The following BRINP3 variants were observed in gnomAD, a reference collection of about 807,000 sequenced individuals.
BRINP3 encodes the protein BMP/retinoic acid-inducible neural-specific protein 3.
Under a neutral mutation model 71.0 loss-of-function variants are expected in BRINP3, and 19 were observed. The observed-to-expected ratio is 0.27, with a 90% CI of 0.19 to 0.39. BRINP3 has a LOEUF of 0.39. Among genes scored for constraint, BRINP3 ranks in the 10% least tolerant of loss-of-function variants. The pLI is 1.00. For synonymous variants in BRINP3, 380 were observed against 337.7 expected, an observed-to-expected ratio of 1.13 and a Z score of -1.37; for missense variants, 959 against 940.8, an observed-to-expected ratio of 1.02 and a Z score of -0.25.
At chr1:190,230,814 C>A (rs1657902605) in intron 5 of BRINP3, among the ~76,000 whole-genome samples, 1 of 151,486 alleles carries the variant, frequency 6.6e-6, no homozygotes, top group Non-Finnish European at 1.5e-5. Context: ...TCTCTTTCCT[C>A]CAAGTCATTA....
chr1:190,404,441 G>A (rs1218388699), intron 2 of BRINP3, among the ~76,000 whole-genome samples: 2 of 152,096 alleles, frequency 1.3e-5, no homozygotes, highest in African/African-American at 4.8e-5. Flanking sequence ...ATATGCTCAC[G>A]ACTTGATGTT....
intron 2 of BRINP3, among the ~76,000 whole-genome samples, chr1:190,393,934 T>C (rs1184868814): frequency 6.6e-6 from 1 of 151,678 alleles, no homozygotes; most frequent in African/African-American, 2.4e-5. Context: ...AAACATGGTT[T>C]AAGTATTTTA....
At chr1:190,431,783 T>C (rs1196524761) in intron 2 of BRINP3, among the ~76,000 whole-genome samples, 1 of 152,158 alleles carries the variant, frequency 6.6e-6, no homozygotes, top group Non-Finnish European at 1.5e-5. Flanking sequence ...CCACAGTTTT[T>C]TTAAAGAGAA....
intron 2 of BRINP3, among the ~76,000 whole-genome samples, chr1:190,343,610 A>G (rs1403318899): frequency 1.3e-5 from 2 of 151,832 alleles, no homozygotes; most frequent in South Asian, 2.1e-4. Flanking sequence ...TATTATCATT[A>G]CAATAATAAA....
chr1:190,190,479 AGTAGTT>A (rs888440099), intron 6 of BRINP3, among the ~76,000 whole-genome samples: 2 of 152,112 alleles, frequency 1.3e-5, no homozygotes, highest in African/African-American at 4.8e-5. Context: ...TTTGTGCATG[AGTAGTT>A]GTTCAAACTG....
At chr1:190,405,312 G>A (rs944832382) in intron 2 of BRINP3, among the ~76,000 whole-genome samples, 11 of 151,758 alleles carry the variant, frequency 7.2e-5, no homozygotes, top group Admixed American at 5.3e-4. Context: ...TTAGCCAGGC[G>A]TGGTGGCGGG....
chr1:190,371,315 G>A (rs528457819), intron 2 of BRINP3, among the ~76,000 whole-genome samples: 2 of 152,150 alleles, frequency 1.3e-5, no homozygotes, highest in African/African-American at 4.8e-5. Flanking sequence ...CAATTGTTAT[G>A]TACAAGTTTT....
At chr1:190,240,985 C>G (rs1271888870) in intron 4 of BRINP3, among the ~76,000 whole-genome samples, 2 of 150,416 alleles carry the variant, frequency 1.3e-5, no homozygotes, top group Non-Finnish European at 2.9e-5. Flanking sequence ...TTTTATTATG[C>G]CCATCATAAA....
chr1:190,419,764 A>G (rs1234469976), intron 2 of BRINP3, among the ~76,000 whole-genome samples: 1 of 151,732 alleles, frequency 6.6e-6, no homozygotes, highest in Admixed American at 6.6e-5. Context: ...TTTCTAAGAA[A>G]CTAGTAATGA....
At chr1:190,293,152 G>A (rs759491398) in intron 2 of BRINP3, among the ~76,000 whole-genome samples, 82 of 151,638 alleles carry the variant, frequency 5.4e-4, no homozygotes, top group Non-Finnish European at 7.5e-4. Flanking sequence ...GTTGTCTTAG[G>A]CATTTATTGT....
At chr1:190,460,524 A>C (rs1676315391) in intron 1 of BRINP3, among the ~76,000 whole-genome samples, 1 of 152,136 alleles carries the variant, frequency 6.6e-6, no homozygotes, top group South Asian at 2.1e-4. Flanking sequence ...ATAATGTAGA[A>C]AACCAGAATA....
At chr1:190,120,582 G>A (rs1362821940) in intron 7 of BRINP3, among the ~76,000 whole-genome samples, 4 of 151,720 alleles carry the variant, frequency 2.6e-5, no homozygotes, top group Non-Finnish European at 5.9e-5. Context: ...TGCCACCTCC[G>A]CCTCCCGGGT....
intron 6 of BRINP3, among the ~76,000 whole-genome samples, chr1:190,204,593 T>C (rs778155001): frequency 6.6e-6 from 1 of 151,940 alleles, no homozygotes; most frequent in Non-Finnish European, 1.5e-5. Context: ...TCAGAAAACA[T>C]GAATAATCTG....
chr1:190,324,920 C>A (rs776214548), intron 2 of BRINP3, among the ~76,000 whole-genome samples: 2 of 151,664 alleles, frequency 1.3e-5, no homozygotes, highest in Non-Finnish European at 2.9e-5. Flanking sequence ...GAGTAAGAGT[C>A]AAAAACTTGT....
chr1:190,453,334 C>T (rs1414253019), intron 2 of BRINP3, among the ~76,000 whole-genome samples: 1 of 146,766 alleles, frequency 6.8e-6, no homozygotes, highest in Non-Finnish European at 1.5e-5. Flanking sequence ...CTTTCTCCTG[C>T]CTCAGCCTCC....
intron 7 of BRINP3, among the ~76,000 whole-genome samples, chr1:190,117,546 TG>T (rs529428294): frequency 2.0e-5 from 3 of 152,020 alleles, no homozygotes; most frequent in Admixed American, 6.6e-5. Context: ...TTTGTTAGGT[TG>T]GGGAAGCAGG....
In BRINP3 at chr1:190,373,429, T is replaced by C. The variant is rs567002569; in HGVS notation, c.236+81226A>G. Among the ~76,000 whole-genome samples, 35 of 127,514 alleles carry C rather than the reference T, an allele frequency of 2.7e-4. No individual in the cohort carries two copies. In the South Asian group the frequency reaches 9.3e-3, roughly 34 times the overall value. 83.7% of individuals were successfully genotyped at this position (127,514 alleles called of 152,430 possible). ...AAGTAGATAATTCCTTAATTATATATATATATGTGTGTGTGTGTGTGTGTG... is the reference window on the plus strand; with the variant it reads ...AAGTAGATAATTCCTTAATTATATACATATATGTGTGTGTGTGTGTGTGTG... On this transcript the variant is annotated intron_variant, in intron 2 of 7. Transcript: ENST00000367462.
At chr1:190,368,712 C>G (rs1669666522) in intron 2 of BRINP3, among the ~76,000 whole-genome samples, 1 of 152,102 alleles carries the variant, frequency 6.6e-6, no homozygotes, top group Admixed American at 6.6e-5. Flanking sequence ...GTAATCACCC[C>G]AGCACGTGGA....
chr1:190,442,632 A>G (rs1037334441), intron 2 of BRINP3, among the ~76,000 whole-genome samples: 3 of 152,166 alleles, frequency 2.0e-5, no homozygotes, highest in African/African-American at 7.2e-5. Flanking sequence ...TTGGATTTAA[A>G]TAAAACAAGT....
Sources: gnomAD v4.1 joint callset for allele counts (sites outside exome capture counted in the v4.1 genomes callset) on GRCh38, gnomAD v4.1.1 for gene constraint, MANE v1.5 for transcripts, NCBI Gene and HGNC (gene_info 2026-07-23, HGNC 2026-07-21) for gene names.